The following CLEC2D variants were observed in gnomAD, a reference collection of about 807,000 sequenced individuals.
The protein encoded by CLEC2D is C-type lectin domain family 2 member D.
A neutral mutation model predicts 20.0 loss-of-function variants in CLEC2D; 16 were observed. The observed-to-expected ratio is 0.80, with a 90% CI of 0.54 to 1.22. The LOEUF (loss-of-function observed/expected upper bound fraction) is 1.22, where lower values mean the gene tolerates loss of function less well. CLEC2D is among the 50% of genes most tolerant of loss of function. CLEC2D has a pLI of 0.00. For synonymous variants in CLEC2D, 77 were observed against 71.1 expected (o/e 1.08, Z -0.42); for missense variants, 207 against 221.5 (o/e 0.93, Z 0.42).
intron 1 of CLEC2D, among the ~76,000 whole-genome samples, chr12:9,676,198 G>A (rs1002444757): frequency 1.1e-4 from 17 of 152,110 alleles, no homozygotes; most frequent in African/African-American, 3.4e-4. Context: ...AAGTATTGGC[G>A]AGAGGGACAT....
chr12:9,681,180 C>T (rs187595584), intron 2 of CLEC2D, 147 bp downstream of exon 2: 3 of 515,344 alleles, frequency 5.8e-6, no homozygotes, highest in Admixed American at 3.4e-5. Context: ...TTAAGTGGCA[C>T]CAAAAATTTT....
chr12:9,695,779 G>A lies in CLEC2D; in HGVS notation c.*905G>A, dbSNP rs200154619. 990 of 1,354,250 alleles carry A rather than the reference G, an allele frequency of 7.3e-4. 1 individual carries two copies. The highest frequency in any genetic ancestry group is 9.3e-4 in the Non-Finnish European group (890 of 956,692). The allele number at this position is 1,354,250 out of a possible 1,614,324, so 83.9% of individuals were successfully genotyped here. A position where few individuals can be genotyped will look rare whatever the true frequency, so the allele number is the denominator to read the frequency against. On this transcript the variant is annotated 3_prime_UTR_variant, in exon 5 of 5. Coordinates refer to ENST00000290855, the MANE Select transcript of CLEC2D (RefSeq NM_013269.6). The stretch of plus-strand genomic sequence containing the variant: ...GTCAGAAGATGAAGAAGAGGAGGAT[G>A]TGAAACTCTTAAGTATATCTGGAAA...
Position 9,680,960 on chromosome 12 carries a change from C to T in CLEC2D, c.99C>T (p.Thr33=). 6.2e-7 allele frequency: 1 copy of T among 1,604,562 alleles called. No individual in the cohort carries two copies. Among genetic ancestry groups the T allele is most frequent in the Non-Finnish European group, 8.5e-7 (1 of 1,172,516 alleles). ...LHSKEHSIKA[T]LIWRLFFLIM... is the part of the protein sequence containing the mutation. ...CAAAAGAGCATTCTATTAAAGCTAC[C>T]TTAATTTGGCGCTTATTTTTCTTAA... Residue 33 remains threonine, a synonymous_variant, in exon 2 of 5, where the codon ACC becomes ACT. Coordinates refer to ENST00000290855, the MANE Select transcript of CLEC2D (RefSeq NM_013269.6).
At position 9,669,796 on chromosome 12, in the gene CLEC2D, G is replaced by T; in HGVS notation, c.61+1G>T. ...CCATCTGAATTGCCTGCAAACCCAG[G>T]TAAGAAGCTGGGCTCTACAGAGTAA... On this transcript the variant is annotated splice_donor_variant, in intron 1 of 4. Coordinates refer to ENST00000290855, the MANE Select transcript of CLEC2D (RefSeq NM_013269.6). LOFTEE classifies it high-confidence loss of function. 6.2e-7 allele frequency: 1 copy of T among 1,608,914 alleles called. No individual in the cohort carries two copies. Among genetic ancestry groups the T allele is most frequent in the Non-Finnish European group, 8.5e-7 (1 of 1,175,366 alleles).
chr12:9,688,424 TAAATC>T (rs1865799645), intron 3 of CLEC2D, among the ~76,000 whole-genome samples: 1 of 152,114 alleles, frequency 6.6e-6, no homozygotes, highest in Non-Finnish European at 1.5e-5. Context: ...TGTTTCAAAA[TAAATC>T]AAACAAGGCC....
intron 2 of CLEC2D, among the ~76,000 whole-genome samples, chr12:9,682,300 G>A (rs1020769518): frequency 2.0e-5 from 3 of 151,808 alleles, no homozygotes; most frequent in Admixed American, 6.6e-5. Context: ...CATTTAAATC[G>A]AGTTATTTAG....
At chr12:9,681,803 T>A (rs748217929) in intron 2 of CLEC2D, among the ~76,000 whole-genome samples, 1 of 152,200 alleles carries the variant, frequency 6.6e-6, no homozygotes, top group Non-Finnish European at 1.5e-5. Context: ...TCTAAATAAT[T>A]TCTATTCATT....
chr12:9,695,391 A>T lies in CLEC2D; in HGVS notation c.*517A>T. The T allele has an allele frequency of 6.8e-7, 1 of 1,474,918 alleles. No individual in the cohort carries two copies. Among genetic ancestry groups the T allele is most frequent in the South Asian group, 1.1e-5 (1 of 88,830 alleles). 91.4% of individuals were successfully genotyped at this position (1,474,918 alleles called of 1,614,324 possible). Reference sequence around the variant, plus strand: ...AGTGTGTGTCGCCACCCGATGGAAGATTCGATGGACATGGACATGAGCCCC... The same window carrying T: ...AGTGTGTGTCGCCACCCGATGGAAGTTTCGATGGACATGGACATGAGCCCC... On this transcript the variant is annotated 3_prime_UTR_variant, in exon 5 of 5. Transcript: ENST00000290855.
rs1164957296 is a variant in CLEC2D at position 9,697,113 on chromosome 12, C to A, written c.*2239C>A. 6.6e-6 allele frequency: 1 copy of A among 152,022 alleles called. No homozygotes were observed. The highest frequency in any genetic ancestry group is 1.5e-5 in the Non-Finnish European group (1 of 68,008). 9.4% of individuals were successfully genotyped at this position (152,022 alleles called of 1,614,324 possible). A position where few individuals can be genotyped will look rare whatever the true frequency, so the allele number is the denominator to read the frequency against. On this transcript the variant is annotated 3_prime_UTR_variant, in exon 5 of 5. Coordinates refer to ENST00000290855, the MANE Select transcript of CLEC2D (RefSeq NM_013269.6). The stretch of plus-strand genomic sequence containing the variant: ...ATCCTGTTATGTTGGGAACAAGCCC[C>A]CCAAAATCTGGCCATAAACTCACCC...
At position 9,695,617 on chromosome 12, in the gene CLEC2D, T is replaced by A; in HGVS notation, c.*743T>A. 1 of 1,560,910 alleles carries A rather than the reference T, an allele frequency of 6.4e-7. No homozygotes were observed. ...TCCAATTAAAGTAACACTGGCAACT[T>A]TGAAAATGTCTGTACAGCCAACGGT... On this transcript the variant is annotated 3_prime_UTR_variant, in exon 5 of 5. Coordinates refer to ENST00000290855, the MANE Select transcript of CLEC2D (RefSeq NM_013269.6).
chr12:9,671,136 G>A (rs1865412060), intron 1 of CLEC2D, among the ~76,000 whole-genome samples: 1 of 152,026 alleles, frequency 6.6e-6, no homozygotes, highest in East Asian at 1.9e-4. Flanking sequence ...GTGGCAGACG[G>A]ACAGTGAGAA....
At chr12:9,676,215 C>T (rs377675672) in intron 1 of CLEC2D, among the ~76,000 whole-genome samples, 3 of 152,090 alleles carry the variant, frequency 2.0e-5, no homozygotes, top group African/African-American at 7.2e-5. Flanking sequence ...ACATCTTTGC[C>T]TTGTCCTTGA....
At chr12:9,693,925 C>G (rs7968401) in intron 4 of CLEC2D, 184,399 of 358,804 alleles carry the variant, frequency 0.51, 49,685 homozygotes, top group African/African-American at 0.74. Context: ...CCCATCTCAG[C>G]CTCCTGAGTA....
In CLEC2D at chr12:9,694,858, C is replaced by T; in HGVS notation, c.560C>T (p.Ser187Leu). 1 of 1,585,876 alleles carries T rather than the reference C, an allele frequency of 6.3e-7. No homozygotes were observed. Among genetic ancestry groups the T allele is most frequent in the Non-Finnish European group, 8.7e-7 (1 of 1,154,542 alleles). ...YTERKWICSK[S>L]DIHV ...GAGAGGAAGTGGATTTGTTCCAAATCAGATATACATGTCTAGATGTTACAG... is the reference window on the plus strand; with the variant it reads ...GAGAGGAAGTGGATTTGTTCCAAATTAGATATACATGTCTAGATGTTACAG... Residue 187 changes from serine to leucine, a missense_variant, in exon 5 of 5, where the codon TCA becomes TTA. Transcript: ENST00000290855.
chr12:9,675,767 A>G (rs960862155), intron 1 of CLEC2D, among the ~76,000 whole-genome samples: 1 of 152,216 alleles, frequency 6.6e-6, no homozygotes, highest in East Asian at 1.9e-4. Flanking sequence ...CTTTCTCTCC[A>G]TGAACATAAA....
chr12:9,669,844 G>GT (rs1591684289), intron 1 of CLEC2D, 49 bp downstream of exon 1: 3 of 1,432,180 alleles, frequency 2.1e-6, no homozygotes, highest in Non-Finnish European at 3.0e-6. Context: ...GAATGGGAAG[G>GT]TAGTGGTAGT....
Position 9,695,843 on chromosome 12 carries a change from T to TTGCTGC in CLEC2D, c.*978_*983dup, listed in dbSNP as rs71045288. On this transcript the variant is annotated 3_prime_UTR_variant, in exon 5 of 5. Coordinates refer to ENST00000290855, the MANE Select transcript of CLEC2D (RefSeq NM_013269.6). ...GGAGGTGGGCAGAAAAAAGTAAAAC[T>TTGCTGC]TGCTGCTGCTGCTGATGATGATGAT... The TTGCTGC allele has an allele frequency of 3.5e-3, 3,041 of 873,456 alleles. 18 individuals carry two copies. Among genetic ancestry groups the TTGCTGC allele is most frequent in the Non-Finnish European group, 4.7e-3 (2,496 of 536,542 alleles). 54.1% of individuals were successfully genotyped at this position (873,456 alleles called of 1,614,324 possible). A position where few individuals can be genotyped will look rare whatever the true frequency, so the allele number is the denominator to read the frequency against.
At position 9,680,469 on chromosome 12, in the gene CLEC2D, T is replaced by C. The variant is rs574429636; in HGVS notation, c.62-454T>C. Among the ~76,000 whole-genome samples, 124 of 152,208 alleles carry C rather than the reference T, an allele frequency of 8.1e-4. 1 individual carries two copies. Among genetic ancestry groups the C allele is most frequent in the Non-Finnish European group, 9.6e-4 (65 of 68,030 alleles). Reference sequence around the variant, plus strand: ...CTATCCTTCCAAGAATAACACTAATTTGACCTCTACAATAATCACTTTATC... The same window carrying C: ...CTATCCTTCCAAGAATAACACTAATCTGACCTCTACAATAATCACTTTATC... On this transcript the variant is annotated intron_variant, in intron 1 of 4. Coordinates refer to ENST00000290855, the MANE Select transcript of CLEC2D (RefSeq NM_013269.6).
At position 9,696,952 on chromosome 12, in the gene CLEC2D, G is replaced by A. The variant is rs7979758; in HGVS notation, c.*2078G>A. 0.067 allele frequency: 10,119 copies of A among 151,826 alleles called. 356 individuals are homozygous for A. The highest frequency in any genetic ancestry group is 0.084 in the Non-Finnish European group (5,738 of 67,968). The allele number at this position is 151,826 out of a possible 1,614,324, so 9.4% of individuals were successfully genotyped here. Reference sequence around the variant, plus strand: ...TCTTTATTCATAATAGCCAAGATACGGAACTAACTGAAGTGACCATTAACA... The same window carrying A: ...TCTTTATTCATAATAGCCAAGATACAGAACTAACTGAAGTGACCATTAACA... On this transcript the variant is annotated 3_prime_UTR_variant, in exon 5 of 5. Transcript: ENST00000290855.
Sources: allele counts gnomAD v4.1 joint callset (sites outside exome capture counted in the v4.1 genomes callset), GRCh38; gene constraint gnomAD v4.1.1; transcripts MANE v1.5; gene names NCBI Gene and HGNC (gene_info 2026-07-23, HGNC 2026-07-21).